HNF1A: variants seen among roughly 807,000 people sequenced by gnomAD.
HNF1A encodes the protein HNF1 homeobox A.
A neutral mutation model predicts 62.2 loss-of-function variants in HNF1A; 21 were observed. That is an observed-to-expected ratio of 0.34 (90% CI 0.24 to 0.49). HNF1A has a LOEUF of 0.49. Among genes scored for constraint, HNF1A ranks in the 20% least tolerant of loss-of-function variants. HNF1A has a pLI of 0.99. For synonymous variants in HNF1A, 374 were observed against 366.8 expected, an observed-to-expected ratio of 1.02 and a Z score of -0.22; for missense variants, 687 against 832.3, an observed-to-expected ratio of 0.83 and a Z score of 2.15.
At position 121,002,023 on chromosome 12, in the gene HNF1A, A is replaced by T; in HGVS notation, c.*831A>T. 5.6e-6 allele frequency: 3 copies of T among 536,872 alleles called. No homozygotes were observed. The highest frequency in any genetic ancestry group is 4.6e-5 in the South Asian group (3 of 65,250). The allele number at this position is 536,872 out of a possible 1,614,324, so 33.3% of individuals were successfully genotyped here. The stretch of plus-strand genomic sequence containing the variant: ...TGTGGGAGCCTCGCAACCCGTGCCA[A>T]GTCCAGGTCCTGGTGGGGCAGCTCC... On this transcript the variant is annotated 3_prime_UTR_variant, in exon 10 of 10. Transcript: ENST00000257555.
chr12:120,981,609 C>T (rs138294085), intron 1 of HNF1A, among the ~76,000 whole-genome samples: 91 of 152,314 alleles, frequency 6.0e-4, no homozygotes, highest in African/African-American at 9.6e-4. Context: ...GGCCTTTGCA[C>T]GTGCTCTTCC....
chr12:120,996,177 ATGGAGTT>A lies in HNF1A; in HGVS notation c.956-82_956-76del, dbSNP rs1877086133. The A allele has an allele frequency of 1.3e-6, 2 of 1,532,192 alleles. No homozygotes were observed. The highest frequency in any genetic ancestry group is 1.8e-6 in the Non-Finnish European group (2 of 1,111,968). The allele number at this position is 1,532,192 out of a possible 1,614,324, so 94.9% of individuals were successfully genotyped here. A position where few individuals can be genotyped will look rare whatever the true frequency, so the allele number is the denominator to read the frequency against. ...ACAGGCAGCTGGCCTAAGCAAACCAATGGAGTTTGAAGTGCTGAGGGCTGTGGAGGCA... is the reference window on the plus strand; with the variant it reads ...ACAGGCAGCTGGCCTAAGCAAACCAATGAAGTGCTGAGGGCTGTGGAGGCA... On this transcript the variant is annotated intron_variant, in intron 4 of 9. Coordinates refer to ENST00000257555, the MANE Select transcript of HNF1A (RefSeq NM_000545.8). This position sits in a 1 kb window ranked among gnomAD's most constrained non-coding sequence, Gnocchi z 4.5.
chr12:120,989,160 A>T, intron 2 of HNF1A, 128 bp downstream of exon 2: 1 of 904,310 alleles, frequency 1.1e-6, no homozygotes, highest in Non-Finnish European at 1.8e-6. Flanking sequence ...AGTCAGTGGG[A>T]TTCAACCTGC....
rs750593743 is a variant in HNF1A, at chr12:121,002,065, T to G, written c.*873T>G. 3.7e-6 allele frequency: 2 copies of G among 536,482 alleles called. No homozygotes were observed. The highest frequency in any genetic ancestry group is 4.4e-5 in the Admixed American group (2 of 44,988). The allele number at this position is 536,482 out of a possible 1,614,324, so 33.2% of individuals were successfully genotyped here. On this transcript the variant is annotated 3_prime_UTR_variant, in exon 10 of 10. Coordinates refer to ENST00000257555, the MANE Select transcript of HNF1A (RefSeq NM_000545.8). ...GGCAGCTCCTCTGTCTCGAGCGCCC[T>G]GCAGACCCTGCCCTTGTTTGGGGCA...
In HNF1A at chr12:120,993,691, T is replaced by C. The variant is rs1876938904; in HGVS notation, c.698T>C (p.Val233Ala). The C allele has an allele frequency of 2.5e-6, 4 of 1,613,822 alleles. No homozygotes were observed. Among genetic ancestry groups the C allele is most frequent in the Non-Finnish European group, 3.4e-6 (4 of 1,179,980 alleles). ...AGCAAGGAGGAGCGAGAGACGCTAG[T>C]GGAGGAGTGCAATAGGTACAACGGC... ...NPSKEERETL[V>A]EECNRAECIQ... is the part of the protein sequence containing the mutation. The change falls in exon 3 of 10, where the codon GTG becomes GCG. Residue 233 changes from valine (V) to alanine (A), a missense_variant. Coordinates refer to ENST00000257555, the MANE Select transcript of HNF1A (RefSeq NM_000545.8).
At chr12:120,987,474 C>CAAAAA (rs59729082) in intron 1 of HNF1A, among the ~76,000 whole-genome samples, 1 of 62,292 alleles carries the variant, frequency 1.6e-5, no homozygotes, top group African/African-American at 5.3e-5. Context: ...GACTCCATCT[C>CAAAAA]AAAAAAAAAA....
intron 6 of HNF1A, 35 bp from the exon 7 acceptor site, chr12:120,997,439 G>C (rs755517662): frequency 1.2e-5 from 19 of 1,575,006 alleles, no homozygotes; most frequent in Non-Finnish European, 1.6e-5. Context: ...GATATAACTG[G>C]GGGGCCCAGC....
rs564278433 is a variant in HNF1A, at chr12:120,988,059, T to G, written c.327-774T>G. Among the ~76,000 whole-genome samples, 24 of 117,356 alleles carry G rather than the reference T, an allele frequency of 2.0e-4. 1 individual carries two copies. In the East Asian group the frequency reaches 5.9e-3, roughly 29 times the overall value. 77.0% of individuals were successfully genotyped at this position (117,356 alleles called of 152,430 possible). The stretch of plus-strand genomic sequence containing the variant: ...ATCCATTCATCCAACCATCCATCCA[T>G]CCATCATCCATCCACCCACCCACCC... On this transcript the variant is annotated intron_variant, in intron 1 of 9. Transcript: ENST00000257555.
chr12:120,989,402 T>A lies in HNF1A; in HGVS notation c.526+370T>A, dbSNP rs1038527792. On this transcript the variant is annotated intron_variant, in intron 2 of 9. Coordinates refer to ENST00000257555, the MANE Select transcript of HNF1A (RefSeq NM_000545.8). The stretch of plus-strand genomic sequence containing the variant: ...CCTCCGGAATAGCTGGGATCACAGG[T>A]GCCCACCACCATGCCTGGCTAATTT... Among the ~76,000 whole-genome samples the A allele has an allele frequency of 3.3e-5, 5 of 152,118 alleles. No individual in the cohort carries two copies. The East Asian group carries it at 9.6e-4, about 29-fold the overall frequency.
intron 3 of HNF1A, 76 bp downstream of exon 3, chr12:120,993,782 G>A: frequency 6.7e-7 from 1 of 1,487,448 alleles, no homozygotes. Context: ...GGTGACTCTA[G>A]GTCCTGTAAA....
At position 120,996,302 on chromosome 12, in the gene HNF1A, A is replaced by G; in HGVS notation, c.996A>G (p.Glu332=). The G allele has an allele frequency of 6.2e-7, 1 of 1,614,194 alleles. No individual in the cohort carries two copies. The highest frequency in any genetic ancestry group is 8.5e-7 in the Non-Finnish European group (1 of 1,180,044). ...AGCCTGCGACCAGTGAGACTGCAGA[A>G]GTACCCTCAAGCAGCGGCGGTCCCT... is the stretch of plus-strand genomic sequence containing the variant. ...YGQPATSETA[E]VPSSSGGPLV... The change falls in exon 5 of 10, where the codon GAA becomes GAG. Residue 332 remains glutamate, a synonymous_variant. Transcript: ENST00000257555. This position sits in a 1 kb window ranked among gnomAD's most constrained non-coding sequence, Gnocchi z 4.5.
chr12:120,998,269 G>T, intron 7 of HNF1A: 1 of 147,212 alleles, frequency 6.8e-6, no homozygotes. Context: ...GCAACAGAGT[G>T]AGTACTCTGC....
intron 1 of HNF1A, among the ~76,000 whole-genome samples, chr12:120,981,465 C>T (rs892862014): frequency 6.6e-6 from 1 of 152,212 alleles, no homozygotes; most frequent in Non-Finnish European, 1.5e-5. Context: ...AACTCCCTGC[C>T]TTGGTTTCGT....
chr12:120,978,714 G>A lies in HNF1A; in HGVS notation c.-55G>A. ...GCAGGCAAACGCAACCCACGCGGTG[G>A]GGGAGGCGGCTAGCGTGGTGGACCC... On this transcript the variant is annotated 5_prime_UTR_variant, in exon 1 of 10. Transcript: ENST00000257555. The A allele has an allele frequency of 6.5e-7, 1 of 1,546,144 alleles. No individual in the cohort carries two copies. The highest frequency in any genetic ancestry group is 8.9e-7 in the Non-Finnish European group (1 of 1,120,914).
At position 121,002,416 on chromosome 12, in the gene HNF1A, C is replaced by T. The variant is rs1324747738; in HGVS notation, c.*1224C>T. On this transcript the variant is annotated 3_prime_UTR_variant, in exon 10 of 10. Transcript: ENST00000257555. Reference sequence around the variant, plus strand: ...TCTACCCTGGGATTCAGGAAAAGGCCTGGGGTGACCCGGCACCCCCTGCAG... The same window carrying T: ...TCTACCCTGGGATTCAGGAAAAGGCTTGGGGTGACCCGGCACCCCCTGCAG... 1 of 531,446 alleles carries T rather than the reference C, an allele frequency of 1.9e-6. No individual in the cohort carries two copies. The highest frequency in any genetic ancestry group is 3.6e-6 in the Non-Finnish European group (1 of 274,218). The allele number at this position is 531,446 out of a possible 1,614,324, so 32.9% of individuals were successfully genotyped here.
At position 120,979,033 on chromosome 12, in the gene HNF1A, C is replaced by G; in HGVS notation, c.265C>G (p.Leu89Val). 6.2e-7 allele frequency: 1 copy of G among 1,611,868 alleles called. No individual in the cohort carries two copies. Among genetic ancestry groups the G allele is most frequent in the Non-Finnish European group, 8.5e-7 (1 of 1,179,116 alleles). The change falls in exon 1 of 10, where the codon CTG becomes GTG. Residue 89 changes from leucine to valine, a missense_variant. Leu to Val is a conservative substitution (Grantham distance 32). Transcript: ENST00000257555. The part of the protein sequence containing the change: ...EDFTPPILKE[L>V]ENLSPEEAAH... The stretch of plus-strand genomic sequence containing the variant: ...CTTCACGCCACCCATCCTCAAAGAG[C>G]TGGAGAACCTCAGCCCTGAGGAGGC...
chr12:120,992,136 T>C (rs1374076962), intron 2 of HNF1A, among the ~76,000 whole-genome samples: 3 of 152,238 alleles, frequency 2.0e-5, no homozygotes, highest in Admixed American at 2.0e-4. Flanking sequence ...ATGAATTGAC[T>C]GAAGCAATGT....
intron 6 of HNF1A, chr12:120,997,192 A>AC: frequency 2.8e-6 from 4 of 1,412,502 alleles, no homozygotes; most frequent in Non-Finnish European, 2.8e-6. Flanking sequence ...CTGCTGTGGA[A>AC]CCCCAGGGCT....
intron 2 of HNF1A, among the ~76,000 whole-genome samples, chr12:120,990,144 ATTTTT>A (rs781218891): frequency 6.6e-6 from 1 of 151,390 alleles, no homozygotes; most frequent in African/African-American, 2.4e-5. Flanking sequence ...TTTTTTTATT[ATTTTT>A]TTATTTTTTT....
Sources: allele counts gnomAD v4.1 joint callset (sites outside exome capture counted in the v4.1 genomes callset), GRCh38; gene constraint gnomAD v4.1.1; non-coding constraint Gnocchi (gnomAD v3.1); transcripts MANE v1.5; gene names NCBI Gene and HGNC (gene_info 2026-07-23, HGNC 2026-07-21).